Variants in ERC1 observed in about 807,000 individuals in gnomAD.
The protein encoded by ERC1 is ELKS/RAB6-interacting/CAST family member 1.
In ERC1, 56 loss-of-function variants were observed where a neutral mutation model predicts 132.0. The ratio of observed to expected loss-of-function variants is 0.42; its 90% CI spans 0.34 to 0.53. The LOEUF (loss-of-function observed/expected upper bound fraction) is 0.53. Among genes scored for constraint, ERC1 ranks in the 20% least tolerant of loss-of-function variants. The pLI, the probability that ERC1 is intolerant of heterozygous loss-of-function variation, is 0.03. For missense variants in ERC1, 1,202 were observed against 1,349.9 expected (o/e 0.89, Z 1.72); for synonymous variants, 478 against 476.1 (o/e 1.00, Z -0.05).
In ERC1 at chr12:1,439,571, G is replaced by T. The variant is rs183648682; in HGVS notation, c.3025-4991G>T. Reference sequence around the variant, plus strand: ...AATGTAGCATTGGGGCCATAATGACGTTTTGGCATCATATTTGGTACAAGC... The same window carrying T: ...AATGTAGCATTGGGGCCATAATGACTTTTTGGCATCATATTTGGTACAAGC... On this transcript the variant is annotated intron_variant, in intron 17 of 18. Coordinates refer to ENST00000360905, the MANE Select transcript of ERC1 (RefSeq NM_178040.4). Among the ~76,000 whole-genome samples, 11 of 152,218 alleles carry T rather than the reference G, an allele frequency of 7.2e-5. No individual in the cohort carries two copies. The East Asian group carries it at 2.1e-3, about 29-fold the overall frequency.
upstream of ERC1, chr12:990,442 C>G (rs1235152312): frequency 6.6e-6 from 1 of 152,132 alleles, no homozygotes; most frequent in African/African-American, 2.4e-5. Flanking sequence ...CCCAGCCGCC[C>G]GCCGATTCGC....
At chr12:1,073,376 A>G (rs535884421) in intron 2 of ERC1, among the ~76,000 whole-genome samples, 32 of 152,300 alleles carry the variant, frequency 2.1e-4, no homozygotes, top group African/African-American at 7.0e-4. Flanking sequence ...ATAAAATGCT[A>G]CTGTCTAGGA....
At chr12:1,177,348 T>G (rs1391271062) in intron 8 of ERC1, among the ~76,000 whole-genome samples, 1 of 152,210 alleles carries the variant, frequency 6.6e-6, no homozygotes, top group Non-Finnish European at 1.5e-5. Flanking sequence ...TCACTAAGCT[T>G]AATCTTTTTT....
intron 8 of ERC1, among the ~76,000 whole-genome samples, chr12:1,159,607 G>A (rs552131917): frequency 1.3e-5 from 2 of 152,236 alleles, no homozygotes; most frequent in South Asian, 4.2e-4. Flanking sequence ...TAGATATTTG[G>A]AGCTTACTCT....
At chr12:1,294,887 T>G (rs2079794381) in intron 15 of ERC1, among the ~76,000 whole-genome samples, 1 of 152,208 alleles carries the variant, frequency 6.6e-6, no homozygotes. Flanking sequence ...AGCTACTCAC[T>G]CTCCAAATAG....
chr12:1,424,864 CGATAGATAGATAGATAGATAGATA>C (rs57661979), intron 17 of ERC1, among the ~76,000 whole-genome samples: 15 of 101,044 alleles, frequency 1.5e-4, no homozygotes, highest in African/African-American at 4.5e-4. Context: ...ATAGATAGAT[CGATAGATAGATAGATAGATAGATA>C]GATAGATAGA....
chr12:1,447,071 C>G (rs2093322274), intron 18 of ERC1, among the ~76,000 whole-genome samples: 1 of 151,212 alleles, frequency 6.6e-6, no homozygotes, highest in African/African-American at 2.4e-5. Context: ...TTCCTAATAG[C>G]TCTTTTTGAT....
chr12:1,269,429 G>C (rs1328467441), intron 14 of ERC1, among the ~76,000 whole-genome samples: 1 of 152,176 alleles, frequency 6.6e-6, no homozygotes. Context: ...GAGAAGAGCT[G>C]AACGTGTCTA....
chr12:1,012,450 A>G (rs1412178359), intron 1 of ERC1, among the ~76,000 whole-genome samples: 1 of 151,288 alleles, frequency 6.6e-6, no homozygotes, highest in Non-Finnish European at 1.5e-5. Flanking sequence ...GTATTTACCA[A>G]CAGTGATGTG....
At chr12:1,326,925 A>G (rs1475788678) in intron 15 of ERC1, among the ~76,000 whole-genome samples, 1 of 152,096 alleles carries the variant, frequency 6.6e-6, no homozygotes, top group Admixed American at 6.5e-5. Flanking sequence ...TCTGTGGATA[A>G]TGTATAATAA....
At chr12:1,191,420 G>A (rs888246062) in intron 12 of ERC1, among the ~76,000 whole-genome samples, 4 of 152,022 alleles carry the variant, frequency 2.6e-5, no homozygotes, top group Admixed American at 6.6e-5. Flanking sequence ...ACAAAAATGC[G>A]GTGCTTTTGA....
intron 3 of ERC1, among the ~76,000 whole-genome samples, chr12:1,091,914 T>C (rs189281130): frequency 2.5e-4 from 38 of 152,110 alleles, no homozygotes; most frequent in African/African-American, 8.2e-4. Flanking sequence ...CAAAGAATTA[T>C]GGGCTGGCAA....
intron 17 of ERC1, among the ~76,000 whole-genome samples, chr12:1,431,192 A>G (rs1031280962): frequency 6.6e-6 from 1 of 152,184 alleles, no homozygotes; most frequent in East Asian, 1.9e-4. Context: ...TTACAGATCA[A>G]GTCACCCCTC....
intron 1 of ERC1, among the ~76,000 whole-genome samples, chr12:1,019,679 T>C (rs1229207293): frequency 6.6e-6 from 1 of 152,168 alleles, no homozygotes; most frequent in Non-Finnish European, 1.5e-5. Flanking sequence ...GGCACTGGTG[T>C]TGAGAATTGT....
At chr12:1,070,532 C>T (rs1472178402) in intron 2 of ERC1, among the ~76,000 whole-genome samples, 1 of 152,074 alleles carries the variant, frequency 6.6e-6, no homozygotes, top group African/African-American at 2.4e-5. Context: ...GCAGTCCTTC[C>T]TCCTCGGCTT....
At chr12:1,417,172 C>G (rs2092158723) in intron 17 of ERC1, among the ~76,000 whole-genome samples, 1 of 152,200 alleles carries the variant, frequency 6.6e-6, no homozygotes, top group Non-Finnish European at 1.5e-5. Context: ...TCCCTCCTCT[C>G]CACAAAGAAA....
At chr12:1,419,593 A>G (rs1216049913) in intron 17 of ERC1, among the ~76,000 whole-genome samples, 2 of 151,826 alleles carry the variant, frequency 1.3e-5, no homozygotes, top group East Asian at 3.9e-4. Flanking sequence ...TCAAAATGGA[A>G]GCCATGTTTT....
intron 17 of ERC1, among the ~76,000 whole-genome samples, chr12:1,412,545 C>T (rs1313662584): frequency 6.6e-6 from 1 of 152,172 alleles, no homozygotes; most frequent in Non-Finnish European, 1.5e-5. Flanking sequence ...CAAGGTACGT[C>T]ATTGCGCTGT....
chr12:1,397,064 CAAAG>C (rs1225730350), intron 16 of ERC1, among the ~76,000 whole-genome samples: 2 of 152,104 alleles, frequency 1.3e-5, no homozygotes, highest in Non-Finnish European at 1.5e-5. Flanking sequence ...CTGAAGATCA[CAAAG>C]AAAGAAATGT....
Sources: gnomAD v4.1 joint callset for allele counts (sites outside exome capture counted in the v4.1 genomes callset) on GRCh38, gnomAD v4.1.1 for gene constraint, MANE v1.5 for transcripts, NCBI Gene and HGNC (gene_info 2026-07-23, HGNC 2026-07-21) for gene names.